The following SLCO6A1 variants were observed in gnomAD, a reference collection of about 807,000 sequenced individuals.
The protein encoded by SLCO6A1 is cancer/testis antigen 48.
In SLCO6A1, 65 loss-of-function variants were observed where a neutral mutation model predicts 72.7. That is an observed-to-expected ratio of 0.89 (90% CI 0.73 to 1.10). The LOEUF is 1.10. SLCO6A1 is among the 50% of genes least tolerant of loss of function. SLCO6A1 has a pLI of 0.00. For missense variants in SLCO6A1, 874 were observed against 872.6 expected (o/e 1.00, Z -0.02); for synonymous variants, 314 against 298.2 (o/e 1.05, Z -0.55).
chr5:102,411,374 C>G (rs1459581722), intron 9 of SLCO6A1, among the ~76,000 whole-genome samples: 11 of 152,068 alleles, frequency 7.2e-5, no homozygotes, highest in Admixed American at 7.2e-4. Flanking sequence ...AGGCAATCCT[C>G]CCACCTCAGC....
At position 102,462,722 on chromosome 5, in the gene SLCO6A1, T is replaced by C. The variant is rs961108337; in HGVS notation, c.900-2945A>G. Among the ~76,000 whole-genome samples, 56 of 152,090 alleles carry C rather than the reference T, an allele frequency of 3.7e-4. 1 individual carries two copies. Among genetic ancestry groups the C allele is most frequent in the African/African-American group, 1.3e-3 (55 of 41,428 alleles). On this transcript the variant is annotated intron_variant, in intron 4 of 13. Transcript: ENST00000506729. ...AAACTGGATCCTCATTGTCCATTTA[T>C]ACAAAAATCAACTCAAGTCTTACCT...
At chr5:102,456,151 A>C (rs1750701545) in intron 6 of SLCO6A1, among the ~76,000 whole-genome samples, 1 of 152,230 alleles carries the variant, frequency 6.6e-6, no homozygotes, top group Admixed American at 6.5e-5. Flanking sequence ...CCAATATCAT[A>C]CTGAATGGGC....
At position 102,373,430 on chromosome 5, in the gene SLCO6A1, A is replaced by G. The variant is rs768501310; in HGVS notation, c.2082T>C (p.Arg694=). 14 of 1,579,566 alleles carry G rather than the reference A, an allele frequency of 8.9e-6. No homozygotes were observed. The highest frequency in any genetic ancestry group is 1.2e-5 in the South Asian group (1 of 83,498). ...TTIAFFIYKR[R]LNENTDFPDV... The stretch of plus-strand genomic sequence containing the variant: ...CTGGGAAGTCAGTGTTCTCATTTAG[A>G]CGACGTTTGTATATGAAAAATGCAA... The change falls in exon 13 of 14, where the codon CGT becomes CGC. Residue 694 remains arginine, a synonymous_variant. Coordinates refer to ENST00000506729, the MANE Select transcript of SLCO6A1 (RefSeq NM_173488.5).
intron 1 of SLCO6A1, among the ~76,000 whole-genome samples, chr5:102,497,341 C>T (rs1238034482): frequency 6.6e-6 from 1 of 152,184 alleles, no homozygotes; most frequent in Admixed American, 6.5e-5. Context: ...AATTTGTGAG[C>T]AGGATCAGAA....
chr5:102,398,903 A>G (rs916057657), intron 10 of SLCO6A1, among the ~76,000 whole-genome samples: 6 of 152,090 alleles, frequency 3.9e-5, no homozygotes, highest in African/African-American at 1.4e-4. Flanking sequence ...AAATCAACTC[A>G]GATAGAAATT....
chr5:102,375,483 A>G (rs1210557698), intron 12 of SLCO6A1, among the ~76,000 whole-genome samples: 4 of 152,148 alleles, frequency 2.6e-5, no homozygotes, highest in Admixed American at 2.6e-4. Context: ...ATTACACAAA[A>G]GGTCTGGAAT....
At chr5:102,416,320 G>A (rs1335685103) in intron 8 of SLCO6A1, among the ~76,000 whole-genome samples, 1 of 151,748 alleles carries the variant, frequency 6.6e-6, no homozygotes, top group East Asian at 1.9e-4. Context: ...ATCAACAGAT[G>A]ATTGAATTAA....
chr5:102,422,384 T>C (rs1228598583), intron 7 of SLCO6A1, among the ~76,000 whole-genome samples: 1 of 152,080 alleles, frequency 6.6e-6, no homozygotes, highest in African/African-American at 2.4e-5. Context: ...TGATAAATGG[T>C]TACAGGAGCT....
At chr5:102,377,463 A>C (rs1745862663) in intron 12 of SLCO6A1, among the ~76,000 whole-genome samples, 1 of 152,106 alleles carries the variant, frequency 6.6e-6, no homozygotes, top group Non-Finnish European at 1.5e-5. Flanking sequence ...AGTCTATCTG[A>C]AAAGGAGGGA....
chr5:102,392,340 A>C (rs1269913705), intron 10 of SLCO6A1, among the ~76,000 whole-genome samples: 1 of 152,026 alleles, frequency 6.6e-6, no homozygotes, highest in Non-Finnish European at 1.5e-5. Context: ...AGAGAGTTTA[A>C]AAAGTCACGT....
intron 8 of SLCO6A1, among the ~76,000 whole-genome samples, chr5:102,415,378 G>C (rs745306205): frequency 7.2e-5 from 11 of 152,056 alleles, no homozygotes; most frequent in Non-Finnish European, 2.9e-5. Context: ...CAATGAAATA[G>C]AACAGAAAAC....
Position 102,492,505 on chromosome 5 carries a change from G to T in SLCO6A1, c.358+5982C>A, listed in dbSNP as rs368582220. On this transcript the variant is annotated intron_variant, in intron 1 of 13. Transcript: ENST00000506729. ...TTTCTGCATTTCCAACTGAGGTACC[G>T]GGTTCATCTCACTGGGGCTCGTTGG... is the stretch of plus-strand genomic sequence containing the variant. Among the ~76,000 whole-genome samples, 4 of 152,246 alleles carry T rather than the reference G, an allele frequency of 2.6e-5. No individual in the cohort carries two copies. In the East Asian group the frequency reaches 7.7e-4, roughly 29 times the overall value.
intron 4 of SLCO6A1, among the ~76,000 whole-genome samples, chr5:102,467,077 T>C (rs1463062098): frequency 6.6e-6 from 1 of 152,162 alleles, no homozygotes; most frequent in Non-Finnish European, 1.5e-5. Context: ...GTCTTCATCA[T>C]GAAATCTTTG....
chr5:102,430,510 G>C (rs1467300531), intron 7 of SLCO6A1, among the ~76,000 whole-genome samples: 3 of 152,028 alleles, frequency 2.0e-5, no homozygotes, highest in Non-Finnish European at 4.4e-5. Context: ...TAACATGAAG[G>C]GATGTTGAAT....
At chr5:102,457,977 C>T (rs1358244004) in intron 6 of SLCO6A1, among the ~76,000 whole-genome samples, 1 of 152,072 alleles carries the variant, frequency 6.6e-6, no homozygotes, top group Non-Finnish European at 1.5e-5. Context: ...TGGAAACCAT[C>T]ATTCTCAGCA....
chr5:102,436,407 T>C (rs1749539102), intron 7 of SLCO6A1, among the ~76,000 whole-genome samples: 1 of 152,136 alleles, frequency 6.6e-6, no homozygotes, highest in African/African-American at 2.4e-5. Flanking sequence ...TGCAAATGGA[T>C]TCACAATGCT....
chr5:102,400,701 A>C (rs1747350330), intron 9 of SLCO6A1, among the ~76,000 whole-genome samples: 1 of 152,144 alleles, frequency 6.6e-6, no homozygotes, highest in African/African-American at 2.4e-5. Context: ...CTAGTGAAAA[A>C]ATAAGAGAAA....
intron 7 of SLCO6A1, among the ~76,000 whole-genome samples, chr5:102,430,035 A>T (rs1749127985): frequency 6.6e-6 from 1 of 151,946 alleles, no homozygotes. Flanking sequence ...GGTTAGCTGC[A>T]TTCCTAGGTA....
At chr5:102,458,090 G>A (rs1427849311) in intron 6 of SLCO6A1, among the ~76,000 whole-genome samples, 1 of 151,986 alleles carries the variant, frequency 6.6e-6, no homozygotes, top group Non-Finnish European at 1.5e-5. Context: ...ATCACACACA[G>A]GGGCCTGTTG....
Sources: allele counts gnomAD v4.1 joint callset (sites outside exome capture counted in the v4.1 genomes callset), GRCh38; gene constraint gnomAD v4.1.1; transcripts MANE v1.5; gene names NCBI Gene and HGNC (gene_info 2026-07-23, HGNC 2026-07-21).